The following CCBE1 variants were observed in gnomAD, a reference collection of about 807,000 sequenced individuals.
CCBE1 encodes collagen and calcium-binding EGF domain-containing protein 1.
Under a neutral mutation model 50.0 loss-of-function variants are expected in CCBE1, and 37 were observed. The observed-to-expected ratio is 0.74, with a 90% CI of 0.57 to 0.97. The LOEUF (loss-of-function observed/expected upper bound fraction) is 0.97, where lower values mean the gene tolerates loss of function less well. Ranked by LOEUF, CCBE1 falls within the 50% of genes least tolerant of loss-of-function variation. The probability of loss-of-function intolerance (pLI) is 0.00; values close to 1 mark genes in which losing one functional copy is unlikely to be tolerated. For synonymous variants in CCBE1, 234 were observed against 203.7 expected (o/e 1.15, Z -1.27); for missense variants, 538 against 523.8 (o/e 1.03, Z -0.26).
intron 2 of CCBE1, among the ~76,000 whole-genome samples, chr18:59,604,681 T>C (rs911773372): frequency 2.0e-5 from 3 of 152,228 alleles, no homozygotes; most frequent in Non-Finnish European, 4.4e-5. Context: ...ATTGCTTCAA[T>C]AGGCATTTGT....
intron 2 of CCBE1, among the ~76,000 whole-genome samples, chr18:59,580,898 G>A (rs1255485749): frequency 3.9e-5 from 6 of 152,158 alleles, no homozygotes; most frequent in South Asian, 2.1e-4. Flanking sequence ...CCTGGCTTGC[G>A]ACTTTAATCC....
intron 2 of CCBE1, among the ~76,000 whole-genome samples, chr18:59,615,665 T>C (rs1430576936): frequency 1.3e-5 from 2 of 152,214 alleles, no homozygotes; most frequent in African/African-American, 4.8e-5. Flanking sequence ...ACTTGGCATA[T>C]AGTTTATTTA....
intron 2 of CCBE1, among the ~76,000 whole-genome samples, chr18:59,482,277 T>C (rs562364648): frequency 1.3e-5 from 2 of 152,186 alleles, no homozygotes; most frequent in Non-Finnish European, 2.9e-5. Flanking sequence ...ATGGCGATCA[T>C]TAAAAAGTCA....
chr18:59,655,336 G>A (rs926619631), intron 2 of CCBE1, among the ~76,000 whole-genome samples: 4 of 152,200 alleles, frequency 2.6e-5, no homozygotes, highest in Non-Finnish European at 5.9e-5. Context: ...GCCAGTCCCT[G>A]AGCACAAGTC....
intron 2 of CCBE1, among the ~76,000 whole-genome samples, chr18:59,516,998 G>A (rs901410964): frequency 6.6e-6 from 1 of 152,166 alleles, no homozygotes; most frequent in Non-Finnish European, 1.5e-5. Flanking sequence ...GGGCCAGCCA[G>A]ATCACTTGTA....
At chr18:59,636,424 C>G (rs1283775284) in intron 2 of CCBE1, among the ~76,000 whole-genome samples, 1 of 152,118 alleles carries the variant, frequency 6.6e-6, no homozygotes, top group African/African-American at 2.4e-5. Context: ...TGAAGTTGTC[C>G]CAGATCTAGG....
intron 2 of CCBE1, among the ~76,000 whole-genome samples, chr18:59,543,847 A>AAAAAAAAAAAAAAAAAAAAAAAAAAAG (rs1915576051): frequency 1.3e-5 from 1 of 78,536 alleles, no homozygotes; most frequent in African/African-American, 4.6e-5. Context: ...AAAAAAAAAA[A>AAAAAAAAAAAAAAAAAAAAAAAAAAAG]AAAAAAAAAA....
At chr18:59,661,881 C>T (rs113469079) in intron 2 of CCBE1, among the ~76,000 whole-genome samples, 29 of 151,130 alleles carry the variant, frequency 1.9e-4, no homozygotes, top group African/African-American at 6.8e-4. Flanking sequence ...GCAGGAGAGT[C>T]GCTTGAATCC....
rs144497536 is a variant in CCBE1, at chr18:59,591,637, G to T, written c.212+104992C>A. Among the ~76,000 whole-genome samples, 316 of 152,272 alleles carry T rather than the reference G, an allele frequency of 2.1e-3. 4 individuals carry two copies. In the East Asian group the frequency reaches 0.032, roughly 15 times the overall value. On this transcript the variant is annotated intron_variant, in intron 2 of 10. Transcript: ENST00000439986. ...TACCCATAAGAAGACTGGCAAAAAT[G>T]AAAGAGCTCGAAAACACTCTGTTGC...
chr18:59,615,811 T>C (rs2053629443), intron 2 of CCBE1, among the ~76,000 whole-genome samples: 1 of 152,156 alleles, frequency 6.6e-6, no homozygotes, highest in Non-Finnish European at 1.5e-5. Context: ...GCTAGAACAG[T>C]GCACATGGTA....
intron 2 of CCBE1, among the ~76,000 whole-genome samples, chr18:59,558,921 C>T (rs1480013078): frequency 2.0e-5 from 3 of 152,222 alleles, no homozygotes; most frequent in African/African-American, 4.8e-5. Flanking sequence ...AATAAAATCA[C>T]GTTTCACCTG....
intron 2 of CCBE1, among the ~76,000 whole-genome samples, chr18:59,523,649 G>T (rs532861309): frequency 1.3e-5 from 2 of 152,252 alleles, no homozygotes; most frequent in East Asian, 3.9e-4. Flanking sequence ...GTTATTTCAT[G>T]TAAATTTATT....
rs1007587292 is a variant in CCBE1, at chr18:59,434,890, T to G, written c.*1018A>C. 1.3e-5 allele frequency: 2 copies of G among 152,134 alleles called. No individual in the cohort carries two copies. Among genetic ancestry groups the G allele is most frequent in the African/African-American group, 4.8e-5 (2 of 41,406 alleles). The allele number at this position is 152,134 out of a possible 1,614,324, so 9.4% of individuals were successfully genotyped here. On this transcript the variant is annotated 3_prime_UTR_variant, in exon 11 of 11. Transcript: ENST00000439986. ...ACCGCTGCTGATGGCATTAGTGAGGTCAGCCCAAGCCAGCAACCTCCTTGC... is the reference window on the plus strand; with the variant it reads ...ACCGCTGCTGATGGCATTAGTGAGGGCAGCCCAAGCCAGCAACCTCCTTGC...
intron 6 of CCBE1, among the ~76,000 whole-genome samples, chr18:59,451,561 C>G (rs1354952316): frequency 6.6e-6 from 1 of 152,080 alleles, no homozygotes; most frequent in African/African-American, 2.4e-5. Context: ...CCCTTTCTCA[C>G]CACATCACTT....
chr18:59,591,244 T>TC, intron 2 of CCBE1, among the ~76,000 whole-genome samples: 1 of 2,452 alleles, frequency 4.1e-4, no homozygotes, highest in Non-Finnish European at 5.7e-4. Flanking sequence ...AGACTCCGTC[T>TC]CAAAAAAAAA....
At chr18:59,563,271 A>C (rs1483604248) in intron 2 of CCBE1, among the ~76,000 whole-genome samples, 1 of 152,154 alleles carries the variant, frequency 6.6e-6, no homozygotes, top group African/African-American at 2.4e-5. Flanking sequence ...GGTTGGGGGG[A>C]AGAATAGAAC....
At position 59,480,086 on chromosome 18, in the gene CCBE1, GAC is replaced by G. The variant is rs1912495840; in HGVS notation, c.265+98_265+99del. 12 of 836,636 alleles carry G rather than the reference GAC, an allele frequency of 1.4e-5. No homozygotes were observed. The South Asian group carries it at 1.8e-4, about 13-fold the overall frequency. 51.8% of individuals were successfully genotyped at this position (836,636 alleles called of 1,614,324 possible). On this transcript the variant is annotated intron_variant, in intron 3 of 10. Transcript: ENST00000439986. ...ACACAGACAGATACACAGATAATCA[GAC>G]ACAGATAAGACCTATATTCCATGAA...
chr18:59,590,493 TG>T (rs1365195448), intron 2 of CCBE1, among the ~76,000 whole-genome samples: 1 of 151,612 alleles, frequency 6.6e-6, no homozygotes, highest in Admixed American at 6.5e-5. Flanking sequence ...ATCAAATTTT[TG>T]TTTTTTTATG....
intron 2 of CCBE1, among the ~76,000 whole-genome samples, chr18:59,500,004 A>C (rs1288923195): frequency 1.3e-5 from 2 of 152,168 alleles, no homozygotes; most frequent in Non-Finnish European, 2.9e-5. Context: ...TGTATTATGC[A>C]ATCAGGGTCC....
Sources: gnomAD v4.1 joint callset for allele counts (sites outside exome capture counted in the v4.1 genomes callset) on GRCh38, gnomAD v4.1.1 for gene constraint, MANE v1.5 for transcripts, NCBI Gene and HGNC (gene_info 2026-07-23, HGNC 2026-07-21) for gene names.